The following PLCE1 variants were observed in gnomAD, a reference collection of about 807,000 sequenced individuals.
PLCE1 encodes the protein 1-phosphatidylinositol 4,5-bisphosphate phosphodiesterase epsilon-1.
In PLCE1, 119 loss-of-function variants were observed where a neutral mutation model predicts 242.8. The observed-to-expected ratio is 0.49, with a 90% CI of 0.42 to 0.57. PLCE1 has a LOEUF of 0.57. PLCE1 is among the 20% of genes least tolerant of loss of function. The pLI is 0.00. For missense variants in PLCE1, 2,441 were observed against 2,788.8 expected (o/e 0.88, Z 2.81); for synonymous variants, 945 against 1,017.4 (o/e 0.93, Z 1.35).
intron 19 of PLCE1, among the ~76,000 whole-genome samples, chr10:94,278,882 C>T (rs974365064): frequency 6.6e-6 from 1 of 151,902 alleles, no homozygotes; most frequent in Non-Finnish European, 1.5e-5. Flanking sequence ...CATGTATGCA[C>T]ACATACACAT....
intron 1 of PLCE1, among the ~76,000 whole-genome samples, chr10:94,002,744 T>A (rs1790077894): frequency 6.6e-6 from 1 of 152,190 alleles, no homozygotes; most frequent in African/African-American, 2.4e-5. Flanking sequence ...CCTAAGAGAC[T>A]CATGGATTTG....
intron 7 of PLCE1, among the ~76,000 whole-genome samples, chr10:94,243,579 T>C (rs1273153636): frequency 1.3e-5 from 2 of 152,222 alleles, no homozygotes; most frequent in African/African-American, 4.8e-5. Flanking sequence ...GAATTTTCTA[T>C]AAATCTAAAA....
chr10:94,137,938 C>A, intron 3 of PLCE1: 1 of 390,944 alleles, frequency 2.6e-6, no homozygotes. Context: ...CCAAGTACCA[C>A]AGTGATGACT....
chr10:94,030,468 G>A (rs2061535258), intron 1 of PLCE1, among the ~76,000 whole-genome samples: 1 of 150,954 alleles, frequency 6.6e-6, no homozygotes, highest in Non-Finnish European at 1.5e-5. Flanking sequence ...TATTTAAGGT[G>A]GATGAATAAA....
rs1429688363 is a variant in PLCE1, at chr10:94,324,812, G to T, written c.6721-80G>T. The T allele has an allele frequency of 5.8e-6, 8 of 1,377,380 alleles. No homozygotes were observed. In the Admixed American group the frequency reaches 8.5e-5, roughly 15 times the overall value. 85.3% of individuals were successfully genotyped at this position (1,377,380 alleles called of 1,614,324 possible). ...CCAAAGCTCTAGAGAGAAGAGGAAA[G>T]CGCTCTTCTGAAATAGTGTCATGTG... is the stretch of plus-strand genomic sequence containing the variant. On this transcript the variant is annotated intron_variant, in intron 31 of 32. Coordinates refer to ENST00000371380, the MANE Select transcript of PLCE1 (RefSeq NM_016341.4).
At chr10:94,193,878 G>T (rs1369737988) in intron 4 of PLCE1, among the ~76,000 whole-genome samples, 2 of 152,206 alleles carry the variant, frequency 1.3e-5, no homozygotes, top group Non-Finnish European at 2.9e-5. Context: ...CCTGCTGGGT[G>T]CTCAATAGCT....
intron 19 of PLCE1, among the ~76,000 whole-genome samples, chr10:94,276,402 G>C (rs889638576): frequency 6.6e-6 from 1 of 152,178 alleles, no homozygotes; most frequent in African/African-American, 2.4e-5. Context: ...ACAGAAGTCA[G>C]AGTACATTAA....
intron 1 of PLCE1, among the ~76,000 whole-genome samples, chr10:93,997,628 C>T (rs2060850749): frequency 6.9e-6 from 1 of 145,204 alleles, no homozygotes; most frequent in Non-Finnish European, 1.5e-5. Flanking sequence ...AACAAATAAC[C>T]ATCCTTTTTT....
chr10:94,148,226 G>A (rs899414144), intron 3 of PLCE1, among the ~76,000 whole-genome samples: 1 of 152,166 alleles, frequency 6.6e-6, no homozygotes, highest in Non-Finnish European at 1.5e-5. Flanking sequence ...GAGATGGAGC[G>A]AAGAAGGCAC....
intron 29 of PLCE1, among the ~76,000 whole-genome samples, chr10:94,320,823 T>A (rs191127140): frequency 1.3e-5 from 2 of 152,308 alleles, no homozygotes; most frequent in African/African-American, 4.8e-5. Context: ...TTCAAGGGTG[T>A]TGCTTTACAT....
chr10:94,224,002 C>T (rs4564257), intron 4 of PLCE1, among the ~76,000 whole-genome samples: 63,631 of 151,814 alleles, frequency 0.42, 14,117 homozygotes, highest in East Asian at 0.62. Context: ...TTATAACTAG[C>T]GGTGGCCCTC....
At chr10:94,250,868 G>A (rs1001313452) in intron 8 of PLCE1, among the ~76,000 whole-genome samples, 8 of 152,258 alleles carry the variant, frequency 5.3e-5, no homozygotes, top group Admixed American at 2.0e-4. Context: ...TAGTTAAAAC[G>A]TATCCATTAG....
chr10:94,015,017 T>C (rs746001748), intron 1 of PLCE1, among the ~76,000 whole-genome samples: 17 of 152,212 alleles, frequency 1.1e-4, no homozygotes, highest in South Asian at 2.1e-4. Context: ...CTGCCTGGAT[T>C]TGAATCTTCA....
At chr10:94,065,917 C>T (rs781616118) in intron 2 of PLCE1, among the ~76,000 whole-genome samples, 103 of 152,256 alleles carry the variant, frequency 6.8e-4, no homozygotes, top group Non-Finnish European at 1.2e-3. Context: ...ACCATTAAGG[C>T]ACAAAAATTG....
chr10:94,152,389 C>T (rs1028772817), intron 3 of PLCE1, among the ~76,000 whole-genome samples: 1 of 152,168 alleles, frequency 6.6e-6, no homozygotes, highest in Non-Finnish European at 1.5e-5. Context: ...AGCATTTGGT[C>T]AACAAGTGGA....
At chr10:94,243,011 C>A (rs780585505) in intron 7 of PLCE1, among the ~76,000 whole-genome samples, 3 of 152,106 alleles carry the variant, frequency 2.0e-5, no homozygotes, top group Non-Finnish European at 4.4e-5. Context: ...CAACATAACT[C>A]CCCACTCCTT....
intron 23 of PLCE1, among the ~76,000 whole-genome samples, chr10:94,294,618 CATT>C (rs1024378943): frequency 6.6e-6 from 1 of 152,062 alleles, no homozygotes; most frequent in Admixed American, 6.6e-5. Context: ...TGTGCAATAG[CATT>C]ATGTCAAAAA....
At chr10:94,263,091 C>T (rs2133024826) in intron 14 of PLCE1, among the ~76,000 whole-genome samples, 1 of 152,116 alleles carries the variant, frequency 6.6e-6, no homozygotes, top group Non-Finnish European at 1.5e-5. Flanking sequence ...AGGATGGTCT[C>T]AATCTCTTGA....
intron 3 of PLCE1, among the ~76,000 whole-genome samples, chr10:94,141,649 GAAAGAAGA>G (rs2046971340): frequency 9.0e-5 from 1 of 11,052 alleles, no homozygotes; most frequent in African/African-American, 4.8e-4. Flanking sequence ...AAGAAGGAAG[GAAAGAAGA>G]AAGGGAGGGA....
Sources: gnomAD v4.1 joint callset for allele counts (sites outside exome capture counted in the v4.1 genomes callset) on GRCh38, gnomAD v4.1.1 for gene constraint, MANE v1.5 for transcripts, NCBI Gene and HGNC (gene_info 2026-07-23, HGNC 2026-07-21) for gene names.